SNX25: variants seen among roughly 807,000 people sequenced by gnomAD.
SNX25 encodes the protein sorting nexin-25.
A neutral mutation model predicts 113.7 loss-of-function variants in SNX25; 62 were observed. That is an observed-to-expected ratio of 0.55 (90% CI 0.44 to 0.67). SNX25 has a LOEUF of 0.67. Among genes scored for constraint, SNX25 ranks in the 30% least tolerant of loss-of-function variants. The probability of loss-of-function intolerance (pLI) is 0.00; values close to 1 mark genes in which losing one functional copy is unlikely to be tolerated. For synonymous variants in SNX25, 421 were observed against 436.2 expected (o/e 0.97, Z 0.43); for missense variants, 1,014 against 1,161.0 (o/e 0.87, Z 1.84).
At chr4:185,214,851 A>C (rs1326916573) in intron 1 of SNX25, among the ~76,000 whole-genome samples, 4 of 152,238 alleles carry the variant, frequency 2.6e-5, no homozygotes, top group African/African-American at 9.6e-5. Context: ...AACAATTTTA[A>C]GTATCCAACT....
chr4:185,368,747 A>G (rs1465291104), downstream of SNX25, among the ~76,000 whole-genome samples: 1 of 147,448 alleles, frequency 6.8e-6, no homozygotes, highest in African/African-American at 2.5e-5. Context: ...TAATGGGGCT[A>G]TTTTCTCCCA....
upstream of SNX25, chr4:185,209,363 CA>C: frequency 6.6e-6 from 1 of 152,582 alleles, no homozygotes; most frequent in Non-Finnish European, 1.5e-5. The surrounding 1 kb of genome is among the most constrained non-coding windows in gnomAD (Gnocchi z 5.2). Context: ...ACACCTGCAG[CA>C]AAATTTTCCA....
At chr4:185,286,253 C>A (rs1227338526) in intron 5 of SNX25, among the ~76,000 whole-genome samples, 1 of 152,120 alleles carries the variant, frequency 6.6e-6, no homozygotes, top group Non-Finnish European at 1.5e-5. Context: ...GTAGCTAGGA[C>A]TACCGGCATG....
In SNX25 at chr4:185,250,375, G is replaced by C. The variant is rs181536627; in HGVS notation, c.514+2997G>C. Among the ~76,000 whole-genome samples the C allele has an allele frequency of 1.1e-3, 171 of 152,290 alleles. 2 individuals carry two copies. The highest frequency in any genetic ancestry group is 1.5e-3 in the Non-Finnish European group (99 of 68,020). On this transcript the variant is annotated intron_variant, in intron 2 of 18. Transcript: ENST00000652585. ...TGTTGCTTTCCACTGGTCTCCTGTA[G>C]TCTTACCCCTATACATGTGTAGTTC...
At chr4:185,238,221 G>A (rs1470448595) in intron 1 of SNX25, among the ~76,000 whole-genome samples, 3 of 151,944 alleles carry the variant, frequency 2.0e-5, no homozygotes, top group Admixed American at 6.6e-5. Context: ...CACATAATAA[G>A]CAAGCTAGAG....
At chr4:185,331,134 T>A (rs1250523233) in intron 9 of SNX25, among the ~76,000 whole-genome samples, 1 of 152,194 alleles carries the variant, frequency 6.6e-6, no homozygotes, top group African/African-American at 2.4e-5. Context: ...TACTCTTTGT[T>A]CCAATAATCT....
chr4:185,322,033 G>A (rs1003041509), intron 8 of SNX25, among the ~76,000 whole-genome samples: 2 of 152,170 alleles, frequency 1.3e-5, no homozygotes, highest in East Asian at 1.9e-4. Flanking sequence ...CATAGATCCC[G>A]AGGGGCAACC....
intron 6 of SNX25, 54 bp downstream of exon 6, chr4:185,288,136 C>T (rs1579632009): frequency 2.1e-6 from 3 of 1,403,804 alleles, no homozygotes; most frequent in Non-Finnish European, 3.0e-6. Context: ...AGCTTGATCC[C>T]CGGCCTTCTC....
At chr4:185,244,981 G>T (rs1579451589) in intron 1 of SNX25, among the ~76,000 whole-genome samples, 2 of 152,114 alleles carry the variant, frequency 1.3e-5, no homozygotes, top group South Asian at 2.1e-4. Context: ...GTGGCCTGGG[G>T]CTGTGGGATT....
chr4:185,207,280 G>C (rs148417812), upstream of SNX25, among the ~76,000 whole-genome samples: 5 of 139,798 alleles, frequency 3.6e-5, no homozygotes, highest in African/African-American at 1.3e-4. Context: ...GCAGTGGTGC[G>C]ATCTCGGCTC....
chr4:185,245,646 G>C (rs113043972), intron 1 of SNX25, among the ~76,000 whole-genome samples: 2 of 152,034 alleles, frequency 1.3e-5, no homozygotes, highest in Admixed American at 6.6e-5. Flanking sequence ...GCCCAAAGCA[G>C]TATCTTTATA....
At chr4:185,367,338 A>G (rs1468209530), downstream of SNX25, 1 of 1,130,036 alleles carries the variant, frequency 8.8e-7, no homozygotes, top group South Asian at 1.4e-5. Context: ...CATTTTTAAG[A>G]ATAGTAAAGT....
At chr4:185,206,776 C>T (rs1737206718), upstream of SNX25, among the ~76,000 whole-genome samples, 1 of 151,276 alleles carries the variant, frequency 6.6e-6, no homozygotes, top group African/African-American at 2.4e-5. Context: ...AATTGGCTTA[C>T]ATGATTATGG....
intron 1 of SNX25, among the ~76,000 whole-genome samples, chr4:185,229,454 T>C (rs1741502429): frequency 6.6e-6 from 1 of 152,220 alleles, no homozygotes; most frequent in Non-Finnish European, 1.5e-5. Flanking sequence ...GTCTGTTGTC[T>C]TTTTTCTCAT....
chr4:185,239,400 T>C (rs189007429), intron 1 of SNX25, among the ~76,000 whole-genome samples: 2 of 152,086 alleles, frequency 1.3e-5, no homozygotes, highest in Non-Finnish European at 2.9e-5. Flanking sequence ...GGAGAATGGC[T>C]TGAACCCAGG....
chr4:185,259,591 A>G (rs1473660291), intron 3 of SNX25, among the ~76,000 whole-genome samples: 2 of 152,194 alleles, frequency 1.3e-5, no homozygotes, highest in African/African-American at 2.4e-5. Context: ...GTATTGTTAC[A>G]TACGTGACAG....
At chr4:185,288,708 G>A (rs1041163457) in intron 6 of SNX25, among the ~76,000 whole-genome samples, 5 of 152,010 alleles carry the variant, frequency 3.3e-5, no homozygotes, top group African/African-American at 1.2e-4. Flanking sequence ...TGATACCAAA[G>A]AATAATTAAG....
chr4:185,332,645 G>C lies in SNX25; in HGVS notation c.1800G>C (p.Gln600His). 1.2e-6 allele frequency: 2 copies of C among 1,614,084 alleles called. No homozygotes were observed. Among genetic ancestry groups the C allele is most frequent in the Non-Finnish European group, 1.7e-6 (2 of 1,179,986 alleles). ...AAGCCGTGGATGATGGTACCAATCA[G>C]ATCAATGAACAAGCCAGTTTTGCTG... Reference protein sequence around the residue: ...GEEAVDDGTNQINEQASFAVN... With the variant: ...GEEAVDDGTNHINEQASFAVN... The change falls in exon 10 of 19, where the codon CAG (glutamine) becomes CAC (histidine). Residue 600 changes from glutamine to histidine, a missense_variant. Transcript: ENST00000652585.
chr4:185,351,491 C>G lies in SNX25; in HGVS notation c.2348C>G (p.Ala783Gly), dbSNP rs1483705108. ...CTGTGTCAGAGTGAAGCACTTTATG[C>G]CTTCTTGAGCCCTTCTCCTGACTAC... ...ERLCQSEALY[A>G]FLSPSPDYLK... Residue 783 changes from alanine to glycine, a missense_variant, in exon 14 of 19, where the codon GCC becomes GGC. Coordinates refer to ENST00000652585, the MANE Select transcript of SNX25 (RefSeq NM_001378034.2). 2 of 1,614,040 alleles carry G rather than the reference C, an allele frequency of 1.2e-6. No individual in the cohort carries two copies. The highest frequency in any genetic ancestry group is 1.3e-5 in the African/African-American group (1 of 74,926).
Sources: allele counts gnomAD v4.1 joint callset (sites outside exome capture counted in the v4.1 genomes callset), GRCh38; gene constraint gnomAD v4.1.1; non-coding constraint Gnocchi (gnomAD v3.1); transcripts MANE v1.5; gene names NCBI Gene and HGNC (gene_info 2026-07-23, HGNC 2026-07-21).